Variants in SOX5 observed in about 807,000 individuals in gnomAD.
SOX5 encodes transcription factor SOX-5.
SOX5 carries 9 observed loss-of-function variants against 92.0 expected under a neutral mutation model. The ratio of observed to expected loss-of-function variants is 0.10; its 90% CI spans 0.06 to 0.17. The LOEUF is 0.17. Ranked by LOEUF, SOX5 falls within the 10% of genes least tolerant of loss-of-function variation. The pLI is 1.00. For synonymous variants in SOX5, 344 were observed against 336.3 expected, an observed-to-expected ratio of 1.02 and a Z score of -0.25; for missense variants, 642 against 944.5, an observed-to-expected ratio of 0.68 and a Z score of 4.20.
intron 3 of SOX5, among the ~76,000 whole-genome samples, chr12:24,273,299 C>T (rs2140342334): frequency 6.6e-6 from 1 of 152,306 alleles, no homozygotes; most frequent in Middle Eastern, 3.4e-3. Context: ...AATTTGCCTG[C>T]AAAGTCATCT....
chr12:23,577,778 C>T (rs1197561593), intron 9 of SOX5, among the ~76,000 whole-genome samples: 1 of 151,920 alleles, frequency 6.6e-6, no homozygotes, highest in East Asian at 1.9e-4. Context: ...ATAATTCCAT[C>T]ACTGATGCAA....
chr12:24,001,500 T>C (rs1405375361), intron 4 of SOX5, among the ~76,000 whole-genome samples: 4 of 152,020 alleles, frequency 2.6e-5, no homozygotes, highest in African/African-American at 7.2e-5. Context: ...AAATAACCCA[T>C]AGGTCAAAGA....
At chr12:24,173,858 C>G (rs886271961) in intron 4 of SOX5, among the ~76,000 whole-genome samples, 2 of 152,038 alleles carry the variant, frequency 1.3e-5, no homozygotes, top group Non-Finnish European at 2.9e-5. Context: ...TACTACCAGC[C>G]GTGGAAAATG....
chr12:23,979,434 G>A (rs949586516), intron 4 of SOX5, among the ~76,000 whole-genome samples: 9 of 151,918 alleles, frequency 5.9e-5, no homozygotes, highest in Non-Finnish European at 8.8e-5. Flanking sequence ...ATGTTGGTCA[G>A]GCTGGTGTTG....
chr12:23,962,114 A>G (rs565347301), intron 4 of SOX5, among the ~76,000 whole-genome samples: 1 of 152,198 alleles, frequency 6.6e-6, no homozygotes, highest in Admixed American at 6.5e-5. Flanking sequence ...TGTAAAAAAA[A>G]GTGTGATATT....
At chr12:23,689,595 A>G (rs2088357013) in intron 6 of SOX5, among the ~76,000 whole-genome samples, 1 of 152,176 alleles carries the variant, frequency 6.6e-6, no homozygotes, top group Non-Finnish European at 1.5e-5. Context: ...AAACTTAATT[A>G]GTGCATTCTC....
intron 6 of SOX5, among the ~76,000 whole-genome samples, chr12:23,683,670 A>G (rs980958639): frequency 6.6e-6 from 1 of 152,016 alleles, no homozygotes; most frequent in Non-Finnish European, 1.5e-5. Flanking sequence ...GTTTCAATTT[A>G]CACATTGATC....
chr12:23,674,072 A>G (rs1005742388), intron 6 of SOX5, among the ~76,000 whole-genome samples: 1 of 152,162 alleles, frequency 6.6e-6, no homozygotes, highest in African/African-American at 2.4e-5. Flanking sequence ...TGTCACATAC[A>G]CTAGTTTATG....
At chr12:24,006,407 T>C (rs565231098) in intron 4 of SOX5, among the ~76,000 whole-genome samples, 1 of 152,312 alleles carries the variant, frequency 6.6e-6, no homozygotes, top group Non-Finnish European at 1.5e-5. Context: ...CTGTTTATCA[T>C]GGTCCCCTTA....
At chr12:23,976,413 A>C (rs974268244) in intron 4 of SOX5, among the ~76,000 whole-genome samples, 6 of 150,180 alleles carry the variant, frequency 4.0e-5, no homozygotes, top group African/African-American at 1.2e-4. Context: ...AAACAAAAAA[A>C]AAAAAAAAAA....
chr12:23,868,781 C>G (rs1447785904), intron 2 of SOX5, among the ~76,000 whole-genome samples: 2 of 151,946 alleles, frequency 1.3e-5, no homozygotes, highest in Non-Finnish European at 2.9e-5. Context: ...CAGTATTAGG[C>G]TTTTTTATTC....
chr12:24,352,723 A>G (rs902604363), intron 2 of SOX5, among the ~76,000 whole-genome samples: 1 of 152,034 alleles, frequency 6.6e-6, no homozygotes, highest in African/African-American at 2.4e-5. Context: ...ATCATCAAGT[A>G]TCTCCCTAAC....
chr12:24,411,878 G>C (rs539301145), intron 1 of SOX5, among the ~76,000 whole-genome samples: 1 of 152,014 alleles, frequency 6.6e-6, no homozygotes, highest in Non-Finnish European at 1.5e-5. Context: ...TTAAATGTTT[G>C]GTAGAATTAT....
intron 1 of SOX5, among the ~76,000 whole-genome samples, chr12:23,926,048 A>C (rs778890567): frequency 1.1e-4 from 17 of 152,134 alleles, no homozygotes; most frequent in Non-Finnish European, 2.2e-4. Context: ...GGAGTTATCC[A>C]TAATCAATTT....
At chr12:23,984,353 C>T (rs1040403342) in intron 4 of SOX5, among the ~76,000 whole-genome samples, 1 of 152,156 alleles carries the variant, frequency 6.6e-6, no homozygotes, top group East Asian at 1.9e-4. Flanking sequence ...AAGCATTTAG[C>T]TAAGTCTTAG....
At chr12:23,885,686 G>T (rs1273157422) in intron 2 of SOX5, among the ~76,000 whole-genome samples, 1 of 152,088 alleles carries the variant, frequency 6.6e-6, no homozygotes, top group African/African-American at 2.4e-5. Flanking sequence ...TCCTAAAAAT[G>T]GTCTAGGGGA....
intron 1 of SOX5, among the ~76,000 whole-genome samples, chr12:24,504,418 C>T (rs1566329913): frequency 6.6e-6 from 1 of 152,090 alleles, no homozygotes; most frequent in African/African-American, 2.4e-5. Context: ...TTCACTTAAA[C>T]CTATACCTAA....
intron 2 of SOX5, among the ~76,000 whole-genome samples, chr12:23,851,420 T>A (rs1355389434): frequency 6.6e-6 from 1 of 152,130 alleles, no homozygotes; most frequent in Non-Finnish European, 1.5e-5. Flanking sequence ...AAGAGATACA[T>A]TGAGGCAAAA....
At chr12:23,740,488 G>A (rs2093755922) in intron 5 of SOX5, among the ~76,000 whole-genome samples, 1 of 152,130 alleles carries the variant, frequency 6.6e-6, no homozygotes, top group African/African-American at 2.4e-5. Context: ...CACTTTACTT[G>A]TTGAAGCCCA....
Sources: gnomAD v4.1 joint callset for allele counts (sites outside exome capture counted in the v4.1 genomes callset) on GRCh38, gnomAD v4.1.1 for gene constraint, MANE v1.5 for transcripts, NCBI Gene and HGNC (gene_info 2026-07-23, HGNC 2026-07-21) for gene names.